Variants in RPS6KA2 observed in about 807,000 individuals in gnomAD.
RPS6KA2 encodes ribosomal protein S6 kinase A2.
RPS6KA2 carries 42 observed loss-of-function variants against 91.8 expected under a neutral mutation model. That is an observed-to-expected ratio of 0.46 (90% confidence interval 0.36 to 0.59). The LOEUF is 0.59. RPS6KA2 is among the 20% of genes least tolerant of loss of function. The pLI, the probability that RPS6KA2 is intolerant of heterozygous loss-of-function variation, is 0.00. For synonymous variants in RPS6KA2, 414 were observed against 393.6 expected (o/e 1.05, Z -0.61); for missense variants, 798 against 978.5 (o/e 0.82, Z 2.46).
At chr6:166,761,802 G>A (rs947786321) in intron 2 of RPS6KA2, among the ~76,000 whole-genome samples, 3 of 152,210 alleles carry the variant, frequency 2.0e-5, no homozygotes, top group African/African-American at 2.4e-5. Context: ...AGGTGGGACC[G>A]CACGGCTGTG....
chr6:166,624,539 A>G (rs2128542197), intron 1 of RPS6KA2, among the ~76,000 whole-genome samples: 1 of 152,350 alleles, frequency 6.6e-6, no homozygotes, highest in African/African-American at 2.4e-5. Context: ...ACTGGGGCAC[A>G]AAGTCAGCTG....
chr6:166,609,993 A>G (rs190964584), intron 1 of RPS6KA2, among the ~76,000 whole-genome samples: 212 of 152,238 alleles, frequency 1.4e-3, no homozygotes, highest in Admixed American at 2.4e-3. Context: ...TATTTTTCTA[A>G]TCATTCCTAC....
chr6:166,547,329 T>A (rs967994118), intron 1 of RPS6KA2, among the ~76,000 whole-genome samples: 2 of 152,136 alleles, frequency 1.3e-5, no homozygotes, highest in Admixed American at 1.3e-4. Context: ...AATGGATTTT[T>A]AAAAAATGGT....
chr6:166,496,486 G>C (rs557880551), intron 8 of RPS6KA2, among the ~76,000 whole-genome samples: 22 of 151,640 alleles, frequency 1.5e-4, no homozygotes, highest in African/African-American at 5.1e-4. Flanking sequence ...CCCTCCCCCT[G>C]TCCCCCCAGA....
At chr6:166,739,743 C>T (rs930878699) in intron 2 of RPS6KA2, among the ~76,000 whole-genome samples, 1 of 152,234 alleles carries the variant, frequency 6.6e-6, no homozygotes, top group Non-Finnish European at 1.5e-5. Flanking sequence ...GACATCTCCA[C>T]GTAGGAGCCA....
intron 2 of RPS6KA2, among the ~76,000 whole-genome samples, chr6:166,789,735 T>C (rs1779033167): frequency 6.6e-6 from 1 of 152,210 alleles, no homozygotes; most frequent in African/African-American, 2.4e-5. Flanking sequence ...CCACCACTCC[T>C]GATACCCAGG....
At chr6:166,604,748 C>T (rs59802362) in intron 1 of RPS6KA2, among the ~76,000 whole-genome samples, 4,663 of 152,292 alleles carry the variant, frequency 0.031, 239 homozygotes, top group African/African-American at 0.11. Flanking sequence ...TAATGATCCA[C>T]ACTAATGGAG....
Position 166,666,754 on chromosome 6 carries a change from C to T in RPS6KA2, c.124-127970G>A, listed in dbSNP as rs1268835043. 6.6e-6 allele frequency among the ~76,000 whole-genome samples: 1 copy of T among 152,204 alleles called. No individual in the cohort carries two copies. Among genetic ancestry groups the T allele is most frequent in the East Asian group, 1.9e-4 (1 of 5,198 alleles). ...ATAGAATAACCATATAATTTAGCAA[C>T]TTTCACTTCTGAGTATATACCCAAA... On this transcript the variant is annotated intron_variant, in intron 2 of 21. Coordinates refer to the RPS6KA2 transcript ENST00000503859. This position sits in a 1 kb window ranked among gnomAD's most constrained non-coding sequence, Gnocchi z 4.0.
At chr6:166,658,411 C>T (rs184702199) in intron 2 of RPS6KA2, among the ~76,000 whole-genome samples, 106 of 152,314 alleles carry the variant, frequency 7.0e-4, no homozygotes, top group South Asian at 2.1e-4. Context: ...AGCTGGTCGC[C>T]GTGTCACTCA....
chr6:166,757,128 G>C (rs946441136), intron 2 of RPS6KA2, among the ~76,000 whole-genome samples: 1 of 152,104 alleles, frequency 6.6e-6, no homozygotes, highest in Non-Finnish European at 1.5e-5. Flanking sequence ...TTGAAGAGTT[G>C]GTTCTCTTCA....
At chr6:166,476,205 AG>A (rs1161871007) in intron 10 of RPS6KA2, among the ~76,000 whole-genome samples, 1 of 152,168 alleles carries the variant, frequency 6.6e-6, no homozygotes, top group Non-Finnish European at 1.5e-5. Context: ...AGGGGTGTCA[AG>A]GCTGGCCAGC....
At chr6:166,791,026 A>T (rs1288737932) in intron 2 of RPS6KA2, among the ~76,000 whole-genome samples, 3 of 152,232 alleles carry the variant, frequency 2.0e-5, no homozygotes, top group Non-Finnish European at 4.4e-5. Context: ...TTAACTTTAA[A>T]TGTAAATGGG....
At chr6:166,429,604 C>T (rs1448448707) in intron 16 of RPS6KA2, among the ~76,000 whole-genome samples, 1 of 151,726 alleles carries the variant, frequency 6.6e-6, no homozygotes, top group African/African-American at 2.4e-5. Flanking sequence ...GTGTGTGCCA[C>T]CAAGCCTGGC....
At chr6:166,550,654 T>C (rs1035526374) in intron 1 of RPS6KA2, among the ~76,000 whole-genome samples, 4 of 152,020 alleles carry the variant, frequency 2.6e-5, no homozygotes, top group African/African-American at 9.7e-5. Flanking sequence ...TGGGTGTCTC[T>C]AGGGGTGGGT....
chr6:166,743,609 C>T (rs1407575364), intron 2 of RPS6KA2, among the ~76,000 whole-genome samples: 2 of 152,226 alleles, frequency 1.3e-5, no homozygotes, highest in Non-Finnish European at 2.9e-5. Flanking sequence ...GAGCTACCGC[C>T]GTCTCTTGTA....
intron 2 of RPS6KA2, among the ~76,000 whole-genome samples, chr6:166,722,430 T>C (rs1031230112): frequency 6.6e-5 from 10 of 152,322 alleles, no homozygotes; most frequent in Middle Eastern, 6.8e-3. Flanking sequence ...CTTATCTTAT[T>C]GTATTTTCCC....
intron 2 of RPS6KA2, among the ~76,000 whole-genome samples, chr6:166,796,637 A>G (rs1273787832): frequency 6.6e-6 from 1 of 152,162 alleles, no homozygotes; most frequent in Non-Finnish European, 1.5e-5. Flanking sequence ...GAAGAAATCT[A>G]TTGCTCTTCC....
chr6:166,792,426 C>G (rs2128614617), intron 2 of RPS6KA2, among the ~76,000 whole-genome samples: 1 of 151,930 alleles, frequency 6.6e-6, no homozygotes, highest in South Asian at 2.1e-4. Context: ...ACCAGAGGTA[C>G]AAAGAGGAGC....
chr6:166,702,575 G>A (rs970326486), intron 2 of RPS6KA2: 8 of 1,457,448 alleles, frequency 5.5e-6, no homozygotes, highest in Non-Finnish European at 7.7e-6. Context: ...AAGTGAGGAG[G>A]GATATTTCGT....
Sources: gnomAD v4.1 joint callset for allele counts (sites outside exome capture counted in the v4.1 genomes callset) on GRCh38, gnomAD v4.1.1 for gene constraint, Gnocchi (gnomAD v3.1) non-coding constraint, MANE v1.5 for transcripts, NCBI Gene and HGNC (gene_info 2026-07-23, HGNC 2026-07-21) for gene names.